Variants in HCN1 observed in about 807,000 individuals in gnomAD.
HCN1 encodes the protein potassium/sodium hyperpolarization-activated cyclic nucleotide-gated channel 1.
HCN1 carries 13 observed loss-of-function variants against 78.9 expected under a neutral mutation model. The observed-to-expected ratio is 0.16, with a 90% CI of 0.11 to 0.26. HCN1 has a LOEUF of 0.26. HCN1 is among the 10% of genes least tolerant of loss of function. The pLI is 1.00. For synonymous variants in HCN1, 552 were observed against 455.5 expected, an observed-to-expected ratio of 1.21 and a Z score of -2.70; for missense variants, 810 against 1,154.3, an observed-to-expected ratio of 0.70 and a Z score of 4.32.
intron 6 of HCN1, among the ~76,000 whole-genome samples, chr5:45,283,991 G>A (rs1346377855): frequency 2.0e-5 from 3 of 152,108 alleles, no homozygotes; most frequent in African/African-American, 7.2e-5. Flanking sequence ...GTCTTTTGTG[G>A]GAACACAGAT....
intron 2 of HCN1, among the ~76,000 whole-genome samples, chr5:45,496,932 C>G (rs1377429780): frequency 1.3e-5 from 2 of 152,164 alleles, no homozygotes; most frequent in Non-Finnish European, 2.9e-5. Context: ...CAAAGAACAT[C>G]TTTATTTCTG....
At chr5:45,294,201 GA>G (rs1213940147) in intron 6 of HCN1, among the ~76,000 whole-genome samples, 1 of 151,954 alleles carries the variant, frequency 6.6e-6, no homozygotes, top group African/African-American at 2.4e-5. Flanking sequence ...TAGAGTTAAC[GA>G]ATAGTCACGG....
chr5:45,665,683 T>C (rs1485490143), intron 1 of HCN1, among the ~76,000 whole-genome samples: 1 of 152,086 alleles, frequency 6.6e-6, no homozygotes, highest in Non-Finnish European at 1.5e-5. Context: ...AATAATTTTG[T>C]TGTGTTTGCA....
intron 2 of HCN1, among the ~76,000 whole-genome samples, chr5:45,508,861 T>C (rs560345541): frequency 2.6e-5 from 4 of 152,240 alleles, no homozygotes; most frequent in African/African-American, 7.2e-5. Context: ...GGCTTCCAGG[T>C]TGAAACCTTG....
chr5:45,299,950 GT>G (rs1392016839), intron 6 of HCN1, among the ~76,000 whole-genome samples: 1 of 151,912 alleles, frequency 6.6e-6, no homozygotes, highest in African/African-American at 2.4e-5. Flanking sequence ...AGAAAAAATA[GT>G]TTTTATCTCA....
intron 4 of HCN1, among the ~76,000 whole-genome samples, chr5:45,382,575 G>T (rs1175507015): frequency 6.6e-6 from 1 of 151,692 alleles, no homozygotes. Flanking sequence ...ATTGATTTTT[G>T]GTCTGTCTCC....
At chr5:45,403,791 A>C (rs998977852) in intron 3 of HCN1, among the ~76,000 whole-genome samples, 3 of 152,182 alleles carry the variant, frequency 2.0e-5, no homozygotes, top group African/African-American at 7.2e-5. Flanking sequence ...AATCAGGTAC[A>C]TGGTTCTAAA....
At chr5:45,589,715 T>C (rs951027265) in intron 2 of HCN1, among the ~76,000 whole-genome samples, 1 of 152,200 alleles carries the variant, frequency 6.6e-6, no homozygotes, top group Non-Finnish European at 1.5e-5. Flanking sequence ...TAATGGCCAA[T>C]AGTAATATTT....
intron 1 of HCN1, among the ~76,000 whole-genome samples, chr5:45,676,406 G>C (rs907721136): frequency 1.5e-4 from 22 of 151,524 alleles, no homozygotes; most frequent in African/African-American, 5.3e-4. Flanking sequence ...ATTAAGTAAA[G>C]TATATCCATA....
chr5:45,468,503 T>C (rs555321395), intron 2 of HCN1, among the ~76,000 whole-genome samples: 1 of 152,248 alleles, frequency 6.6e-6, no homozygotes, highest in African/African-American at 2.4e-5. Context: ...CAACTATATT[T>C]TACCTTGGCT....
intron 3 of HCN1, among the ~76,000 whole-genome samples, chr5:45,426,884 T>C (rs1007414513): frequency 3.9e-5 from 6 of 152,188 alleles, no homozygotes; most frequent in African/African-American, 1.4e-4. Context: ...AAAGTAATTA[T>C]GTAATCTGAA....
intron 2 of HCN1, among the ~76,000 whole-genome samples, chr5:45,466,230 G>A (rs368147233): frequency 1.3e-5 from 2 of 151,892 alleles, no homozygotes; most frequent in South Asian, 2.1e-4. Flanking sequence ...TGGATTCATC[G>A]GTCTTTCAAT....
intron 7 of HCN1, among the ~76,000 whole-genome samples, chr5:45,264,845 A>C (rs1418740103): frequency 3.3e-5 from 5 of 152,208 alleles, no homozygotes; most frequent in African/African-American, 1.2e-4. Flanking sequence ...GCCTATTAGA[A>C]ATTGCATTGC....
chr5:45,690,491 A>G (rs1698026823), intron 1 of HCN1, among the ~76,000 whole-genome samples: 1 of 152,048 alleles, frequency 6.6e-6, no homozygotes, highest in Non-Finnish European at 1.5e-5. Flanking sequence ...TAGTTTCTGT[A>G]GCACATATAT....
intron 2 of HCN1, among the ~76,000 whole-genome samples, chr5:45,473,927 G>T (rs1358343760): frequency 6.6e-6 from 1 of 151,722 alleles, no homozygotes; most frequent in Admixed American, 6.6e-5. Flanking sequence ...GCCACATTTG[G>T]TTGACCTCTA....
intron 2 of HCN1, among the ~76,000 whole-genome samples, chr5:45,491,008 T>A (rs1173802310): frequency 2.0e-5 from 3 of 152,088 alleles, no homozygotes; most frequent in Admixed American, 6.6e-5. Flanking sequence ...TAACCATACA[T>A]CAGTTTTCCT....
At position 45,612,681 on chromosome 5, in the gene HCN1, G is replaced by A. The variant is rs370726593; in HGVS notation, c.849+32504C>T. The stretch of plus-strand genomic sequence containing the variant: ...CCTTCCTGCTACACTGATGAACCCT[G>A]AAAGTGAAGAGTACATGTCTCAAAG... On this transcript the variant is annotated intron_variant, in intron 2 of 7. Coordinates refer to ENST00000303230, the MANE Select transcript of HCN1 (RefSeq NM_021072.4). Among the ~76,000 whole-genome samples, 59 of 152,268 alleles carry A rather than the reference G, an allele frequency of 3.9e-4. 1 individual carries two copies. The South Asian group carries it at 0.01, about 27-fold the overall frequency.
At chr5:45,507,951 G>A (rs1211154917) in intron 2 of HCN1, among the ~76,000 whole-genome samples, 1 of 151,944 alleles carries the variant, frequency 6.6e-6, no homozygotes, top group Non-Finnish European at 1.5e-5. Context: ...ATGTGTGCAG[G>A]AAAATACATC....
At chr5:45,517,947 T>C (rs1742544110) in intron 2 of HCN1, among the ~76,000 whole-genome samples, 1 of 152,072 alleles carries the variant, frequency 6.6e-6, no homozygotes, top group African/African-American at 2.4e-5. Flanking sequence ...TTACTTGCTA[T>C]ATGTAGTCCA....
Sources: gnomAD v4.1 joint callset for allele counts (sites outside exome capture counted in the v4.1 genomes callset) on GRCh38, gnomAD v4.1.1 for gene constraint, MANE v1.5 for transcripts, NCBI Gene and HGNC (gene_info 2026-07-23, HGNC 2026-07-21) for gene names.